Variants in COLGALT2 observed in about 807,000 individuals in gnomAD.
The protein encoded by COLGALT2 is collagen beta(1-O)galactosyltransferase 2.
In COLGALT2, 49 loss-of-function variants were observed where a neutral mutation model predicts 73.4. That is an observed-to-expected ratio of 0.67 (90% confidence interval 0.53 to 0.85). COLGALT2 has a LOEUF of 0.85. Ranked by LOEUF, COLGALT2 falls within the 40% of genes least tolerant of loss-of-function variation. The pLI is 0.00. For missense variants in COLGALT2, 722 were observed against 790.2 expected, an observed-to-expected ratio of 0.91 and a Z score of 1.03; for synonymous variants, 295 against 307.6, an observed-to-expected ratio of 0.96 and a Z score of 0.43.
chr1:184,037,508 C>A lies in COLGALT2; in HGVS notation c.-151G>T. 1 of 1,159,084 alleles carries A rather than the reference C, an allele frequency of 8.6e-7. No individual in the cohort carries two copies. The allele number at this position is 1,159,084 out of a possible 1,614,324, so 71.8% of individuals were successfully genotyped here. ...GGCCGGCCGGCTCACACACTGGCCT[C>A]GGCGGCTGCGGTTCCCAGGACCCTC... On this transcript the variant is annotated 5_prime_UTR_variant, in exon 1 of 12. Transcript: ENST00000361927.
chr1:183,988,778 T>C (rs141997448), intron 1 of COLGALT2, among the ~76,000 whole-genome samples: 32 of 152,352 alleles, frequency 2.1e-4, no homozygotes, highest in Non-Finnish European at 3.7e-4. Flanking sequence ...CTAGTTACTA[T>C]GAACGATGCT....
intron 1 of COLGALT2, among the ~76,000 whole-genome samples, chr1:184,001,220 A>G (rs1293701669): frequency 6.6e-6 from 1 of 152,044 alleles, no homozygotes. Flanking sequence ...TTGGTAATCT[A>G]TCCTTTCTCT....
chr1:183,979,119 A>G (rs1455818447), intron 1 of COLGALT2, among the ~76,000 whole-genome samples: 3 of 152,186 alleles, frequency 2.0e-5, no homozygotes, highest in Non-Finnish European at 4.4e-5. Flanking sequence ...AAAATAGAGT[A>G]TTTTCCAAAG....
chr1:183,973,943 G>C (rs556447092), intron 3 of COLGALT2, among the ~76,000 whole-genome samples, 193 bp from the exon 4 acceptor site: 39 of 152,096 alleles, frequency 2.6e-4, no homozygotes, highest in Non-Finnish European at 2.2e-4. Flanking sequence ...TCTAACTTTC[G>C]TATGTTGGGC....
downstream of COLGALT2, among the ~76,000 whole-genome samples, chr1:183,935,180 T>A (rs1669923562): frequency 6.6e-6 from 1 of 152,202 alleles, no homozygotes; most frequent in Non-Finnish European, 1.5e-5. Flanking sequence ...AATGTCACCT[T>A]CTCAGCAGAG....
intron 1 of COLGALT2, among the ~76,000 whole-genome samples, chr1:184,006,962 AT>A (rs1245559831): frequency 2.6e-5 from 4 of 152,220 alleles, no homozygotes; most frequent in African/African-American, 9.6e-5. Flanking sequence ...TTGGTTGTTC[AT>A]TCTAGTTTTA....
chr1:184,016,740 GAGAAA>G (rs1193792633), intron 1 of COLGALT2, among the ~76,000 whole-genome samples: 3 of 152,128 alleles, frequency 2.0e-5, no homozygotes, highest in Non-Finnish European at 4.4e-5. Context: ...TGTTCAAAAT[GAGAAA>G]AGAAATTATA....
At chr1:184,001,932 C>A (rs1671938077) in intron 1 of COLGALT2, among the ~76,000 whole-genome samples, 1 of 152,370 alleles carries the variant, frequency 6.6e-6, no homozygotes, top group Non-Finnish European at 1.5e-5. Context: ...GGGCCTAATG[C>A]TTCTCTGGCA....
chr1:184,027,791 T>A, intron 1 of COLGALT2, among the ~76,000 whole-genome samples: 1 of 152,210 alleles, frequency 6.6e-6, no homozygotes, highest in South Asian at 2.1e-4. Context: ...CCCAATAAAT[T>A]TTATTAAAAT....
intron 1 of COLGALT2, among the ~76,000 whole-genome samples, chr1:184,025,087 C>G (rs534430965): frequency 6.6e-6 from 1 of 152,306 alleles, no homozygotes; most frequent in Admixed American, 6.5e-5. Context: ...TTCGCACAGG[C>G]GTTATGAAAG....
intron 6 of COLGALT2, among the ~76,000 whole-genome samples, chr1:183,957,568 C>T (rs1013845353): frequency 2.0e-5 from 3 of 152,160 alleles, no homozygotes; most frequent in African/African-American, 4.8e-5. Context: ...CCCACTATGC[C>T]TGGGCTGTTT....
intron 1 of COLGALT2, among the ~76,000 whole-genome samples, chr1:184,013,268 C>G (rs893864946): frequency 4.6e-5 from 7 of 152,184 alleles, no homozygotes; most frequent in African/African-American, 1.7e-4. Context: ...CGAGCCAAGA[C>G]TGTGCCACTG....
intron 1 of COLGALT2, among the ~76,000 whole-genome samples, chr1:184,019,553 A>T (rs2102853845): frequency 6.6e-6 from 1 of 152,344 alleles, no homozygotes. Flanking sequence ...TGGTGGCCTC[A>T]TTCCTATTTT....
chr1:184,029,193 T>C (rs1481873515), intron 1 of COLGALT2, among the ~76,000 whole-genome samples: 1 of 152,240 alleles, frequency 6.6e-6, no homozygotes, highest in Admixed American at 6.5e-5. Flanking sequence ...AGCCACTCTA[T>C]TTATATTCTA....
At chr1:183,950,405 C>T (rs1464439567) in intron 8 of COLGALT2, among the ~76,000 whole-genome samples, 1 of 151,186 alleles carries the variant, frequency 6.6e-6, no homozygotes, top group African/African-American at 2.4e-5. Flanking sequence ...CATGGAAAGG[C>T]ACATTTTATA....
intron 1 of COLGALT2, among the ~76,000 whole-genome samples, chr1:184,032,042 T>C (rs1649530296): frequency 6.6e-6 from 1 of 152,052 alleles, no homozygotes; most frequent in African/African-American, 2.4e-5. Flanking sequence ...TATAGGTGCA[T>C]GCCATCGTGC....
intron 6 of COLGALT2, among the ~76,000 whole-genome samples, chr1:183,955,965 A>T (rs1164832214): frequency 6.6e-6 from 1 of 152,162 alleles, no homozygotes; most frequent in Non-Finnish European, 1.5e-5. Context: ...CTCCCCCGAC[A>T]CTGCCCTTGG....
intron 1 of COLGALT2, among the ~76,000 whole-genome samples, chr1:184,004,214 A>C (rs942705677): frequency 1.3e-5 from 2 of 152,172 alleles, no homozygotes; most frequent in Non-Finnish European, 2.9e-5. Flanking sequence ...TGAGAACCTA[A>C]GATGTAAAAG....
At chr1:183,984,679 G>T (rs1671442199) in intron 1 of COLGALT2, among the ~76,000 whole-genome samples, 1 of 152,102 alleles carries the variant, frequency 6.6e-6, no homozygotes, top group Non-Finnish European at 1.5e-5. Context: ...GTAGAAACAG[G>T]TGCCACATCC....
Sources: allele counts gnomAD v4.1 joint callset (sites outside exome capture counted in the v4.1 genomes callset), GRCh38; gene constraint gnomAD v4.1.1; transcripts MANE v1.5; gene names NCBI Gene and HGNC (gene_info 2026-07-23, HGNC 2026-07-21).